The following ARHGEF18 variants were observed in gnomAD, a reference collection of about 807,000 sequenced individuals.
ARHGEF18 encodes the protein rho guanine nucleotide exchange factor 18.
Under a neutral mutation model 155.7 loss-of-function variants are expected in ARHGEF18, and 93 were observed. The ratio of observed to expected loss-of-function variants is 0.60; its 90% CI spans 0.50 to 0.71. The LOEUF is 0.71. Ranked by LOEUF, ARHGEF18 falls within the 30% of genes least tolerant of loss-of-function variation. The probability of loss-of-function intolerance (pLI) is 0.00; values close to 1 mark genes in which losing one functional copy is unlikely to be tolerated. For synonymous variants in ARHGEF18, 742 were observed against 753.1 expected, an observed-to-expected ratio of 0.99 and a Z score of 0.24; for missense variants, 1,593 against 1,816.1, an observed-to-expected ratio of 0.88 and a Z score of 2.23.
At chr19:7,428,818 T>G (rs562141638) in intron 10 of ARHGEF18, among the ~76,000 whole-genome samples, 122 of 152,324 alleles carry the variant, frequency 8.0e-4, no homozygotes, top group Admixed American at 2.3e-3. Context: ...CCTGCCCGAC[T>G]GCATCCTTCG....
At chr19:7,387,292 A>G (rs1214562863) in intron 10 of ARHGEF18, among the ~76,000 whole-genome samples, 14 of 152,066 alleles carry the variant, frequency 9.2e-5, no homozygotes, top group Non-Finnish European at 7.4e-5. Flanking sequence ...AGCTGGGACT[A>G]CAGGTGCCCG....
intron 10 of ARHGEF18, among the ~76,000 whole-genome samples, chr19:7,417,165 C>T (rs1306444439): frequency 6.6e-6 from 1 of 152,062 alleles, no homozygotes; most frequent in African/African-American, 2.4e-5. Context: ...CCGCCTCAGC[C>T]ACCACCCAAA....
chr19:7,371,566 G>T (rs890449938), intron 2 of ARHGEF18, among the ~76,000 whole-genome samples: 2 of 152,000 alleles, frequency 1.3e-5, no homozygotes, highest in African/African-American at 4.8e-5. Flanking sequence ...CATGTCTGTA[G>T]CCCCAGCATC....
chr19:7,390,796 C>A (rs1971361318), intron 10 of ARHGEF18: 1 of 152,108 alleles, frequency 6.6e-6, no homozygotes, highest in Non-Finnish European at 1.5e-5. Flanking sequence ...AATCCTAGCA[C>A]TTTGGGAGGC....
intron 18 of ARHGEF18, among the ~76,000 whole-genome samples, chr19:7,458,018 G>T (rs1975954998): frequency 6.6e-6 from 1 of 152,038 alleles, no homozygotes; most frequent in African/African-American, 2.4e-5. Flanking sequence ...GGGGCAAGAT[G>T]GCTCACTCCT....
At position 7,470,942 on chromosome 19, in the gene ARHGEF18, T is replaced by C. The variant is rs908466195; in HGVS notation, c.*644T>C. The C allele has an allele frequency of 1.0e-5, 4 of 400,626 alleles. No homozygotes were observed. Among genetic ancestry groups the C allele is most frequent in the Non-Finnish European group, 1.8e-5 (4 of 225,956 alleles). 24.8% of individuals were successfully genotyped at this position (400,626 alleles called of 1,614,324 possible). A position where few individuals can be genotyped will look rare whatever the true frequency, so the allele number is the denominator to read the frequency against. On this transcript the variant is annotated 3_prime_UTR_variant, in exon 29 of 29. Transcript: ENST00000668164. The surrounding 1 kb of genome is among the most constrained non-coding windows in gnomAD (Gnocchi z 5.9). ...GCAGGGCCCACTGAGGGAACATCAGTGGCCCTCCAGTCAGGTTCTGTGGGT... is the reference window on the plus strand; with the variant it reads ...GCAGGGCCCACTGAGGGAACATCAGCGGCCCTCCAGTCAGGTTCTGTGGGT...
chr19:7,446,918 G>C, intron 14 of ARHGEF18, 125 bp from the exon 15 acceptor site: 2 of 1,018,068 alleles, frequency 2.0e-6, no homozygotes, highest in Non-Finnish European at 2.7e-6. Context: ...AAAAGAAGAA[G>C]AAAGAAAGAA....
In ARHGEF18 at chr19:7,389,510, CCTTCCTTT is replaced by C. The variant is rs1188126802; in HGVS notation, c.967+6311_967+6318del. Among the ~76,000 whole-genome samples the C allele has an allele frequency of 4.6e-4, 68 of 146,320 alleles. 1 individual carries two copies. Among genetic ancestry groups the C allele is most frequent in the Middle Eastern group, 3.4e-3 (1 of 290 alleles). ...TTCTTCCTTCCTCCCTTCCTTCCTT[CCTTCCTTT>C]CTTTCTTTCTTATTTACTTATTTTT... On this transcript the variant is annotated intron_variant, in intron 10 of 28. Transcript: ENST00000668164.
intron 20 of ARHGEF18, 33 bp downstream of exon 20, chr19:7,460,027 T>A: frequency 6.5e-7 from 1 of 1,542,532 alleles, no homozygotes; most frequent in Non-Finnish European, 8.8e-7. Flanking sequence ...GCACACCCCT[T>A]GTGTGGTGAG....
intron 10 of ARHGEF18, among the ~76,000 whole-genome samples, chr19:7,434,910 A>G (rs1489905033): frequency 6.6e-6 from 1 of 152,168 alleles, no homozygotes; most frequent in Non-Finnish European, 1.5e-5. Context: ...CCCCAAAAAG[A>G]AACACCATAG....
At chr19:7,423,398 G>T (rs948372269) in intron 10 of ARHGEF18, among the ~76,000 whole-genome samples, 8 of 151,970 alleles carry the variant, frequency 5.3e-5, no homozygotes, top group African/African-American at 1.9e-4. Flanking sequence ...CAATCTCAGG[G>T]GAGCCTGGTC....
Position 7,462,486 on chromosome 19 carries a change from G to T in ARHGEF18, c.2635+152G>T. The T allele has an allele frequency of 1.1e-6, 1 of 936,758 alleles. No individual in the cohort carries two copies. Among genetic ancestry groups the T allele is most frequent in the Non-Finnish European group, 1.5e-6 (1 of 651,032 alleles). 58.0% of individuals were successfully genotyped at this position (936,758 alleles called of 1,614,324 possible). On this transcript the variant is annotated intron_variant, in intron 21 of 28. Transcript: ENST00000668164. The surrounding 1 kb of genome is among the most constrained non-coding windows in gnomAD (Gnocchi z 4.4). ...GGGGGGCCCAGGAGCAGCACTGACC[G>T]CCCCCCGGTGCCTGTGAGAGCCAGA...
rs200060513 is a variant in ARHGEF18, at chr19:7,441,715, A to G, written c.1169A>G (p.Asp390Gly). 16 of 1,614,242 alleles carry G rather than the reference A, an allele frequency of 9.9e-6. No homozygotes were observed. The East Asian group carries it at 3.6e-4, about 36-fold the overall frequency. ...SAFLKFKQTADDSLSLTSPNT... is the reference protein window; with the variant it reads ...SAFLKFKQTAGDSLSLTSPNT... ...TTTTTAAAATTTAAGCAGACAGCTG[A>G]TGACTCTCTGTCCCTTACATCTCCA... The change falls in exon 12 of 29, where the codon GAT becomes GGT. Residue 390 changes from aspartate (D) to glycine (G), a missense_variant. Asp to Gly is a moderately conservative substitution (Grantham distance 94). Coordinates refer to ENST00000668164, the MANE Select transcript of ARHGEF18 (RefSeq NM_001367823.1).
chr19:7,439,649 G>A (rs916457025), intron 10 of ARHGEF18: 6 of 1,137,436 alleles, frequency 5.3e-6, no homozygotes, highest in Non-Finnish European at 6.5e-6. Context: ...CCACTTCGAT[G>A]CTAGAATTCT....
At chr19:7,465,359 C>T (rs1976546450) in intron 23 of ARHGEF18, among the ~76,000 whole-genome samples, 1 of 152,060 alleles carries the variant, frequency 6.6e-6, no homozygotes, top group African/African-American at 2.4e-5. Context: ...GGGTGCAGTG[C>T]CTCACACCCA....
intron 10 of ARHGEF18, among the ~76,000 whole-genome samples, chr19:7,387,025 G>A (rs1971121161): frequency 6.6e-6 from 1 of 152,104 alleles, no homozygotes; most frequent in Non-Finnish European, 1.5e-5. Context: ...TTTTTCTGGA[G>A]GAGCAGAGCA....
In ARHGEF18 at chr19:7,416,633, T is replaced by C. The variant is rs1973039215; in HGVS notation, c.968-23711T>C. Among the ~76,000 whole-genome samples the C allele has an allele frequency of 2.7e-5, 4 of 147,404 alleles. 1 individual carries two copies. Among genetic ancestry groups the C allele is most frequent in the Non-Finnish European group, 6.0e-5 (4 of 66,778 alleles). On this transcript the variant is annotated intron_variant, in intron 10 of 28. Transcript: ENST00000668164. ...TTTTTTTTTTTTTGAGACAGAGTCT[T>C]GCTCTGCTGCCAAGCCTGGAGTGCA...
In ARHGEF18 at chr19:7,426,836, C is replaced by T. The variant is rs573066838; in HGVS notation, c.968-13508C>T. On this transcript the variant is annotated intron_variant, in intron 10 of 28. Coordinates refer to ENST00000668164, the MANE Select transcript of ARHGEF18 (RefSeq NM_001367823.1). ...CTGGTCCCAGGAGGAAAAGTGGCGT[C>T]GATTGGTTTCCATGGAGAATGCAGT... is the stretch of plus-strand genomic sequence containing the variant. Among the ~76,000 whole-genome samples, 6 of 152,190 alleles carry T rather than the reference C, an allele frequency of 3.9e-5. No individual in the cohort carries two copies. The East Asian group carries it at 5.8e-4, about 15-fold the overall frequency.
At chr19:7,430,162 C>T (rs1973875395) in intron 10 of ARHGEF18, among the ~76,000 whole-genome samples, 1 of 152,060 alleles carries the variant, frequency 6.6e-6, no homozygotes, top group African/African-American at 2.4e-5. Flanking sequence ...TCCCACATTG[C>T]ACTTGGTGGA....
Sources: allele counts gnomAD v4.1 joint callset (sites outside exome capture counted in the v4.1 genomes callset), GRCh38; gene constraint gnomAD v4.1.1; non-coding constraint Gnocchi (gnomAD v3.1); transcripts MANE v1.5; gene names NCBI Gene and HGNC (gene_info 2026-07-23, HGNC 2026-07-21).